OSTM1: variants seen among roughly 807,000 people sequenced by gnomAD.
OSTM1 encodes the protein osteopetrosis-associated transmembrane protein 1.
Under a neutral mutation model 35.4 loss-of-function variants are expected in OSTM1, and 26 were observed. The observed-to-expected ratio is 0.73, with a 90% CI of 0.54 to 1.02. OSTM1 has a LOEUF of 1.02. Ranked by LOEUF, OSTM1 falls within the 50% of genes least tolerant of loss-of-function variation. The pLI, the probability that OSTM1 is intolerant of heterozygous loss-of-function variation, is 0.00. For synonymous variants in OSTM1, 181 were observed against 165.0 expected, an observed-to-expected ratio of 1.10 and a Z score of -0.75; for missense variants, 366 against 409.6, an observed-to-expected ratio of 0.89 and a Z score of 0.92.
intron 5 of OSTM1, among the ~76,000 whole-genome samples, chr6:108,046,915 G>A (rs1182615926): frequency 2.6e-5 from 4 of 152,132 alleles, no homozygotes; most frequent in Non-Finnish European, 5.9e-5. Context: ...ATACGAATGA[G>A]TACATACACC....
At position 108,049,517 on chromosome 6, in the gene OSTM1, A is replaced by G. The variant is rs995240153; in HGVS notation, c.784-99T>C. On this transcript the variant is annotated intron_variant, in intron 4 of 5. Transcript: ENST00000193322. ...ATAACTAAACAGGAATCTAGAATTTAGACTCAATACATACCTCTAAAAACC... is the reference window on the plus strand; with the variant it reads ...ATAACTAAACAGGAATCTAGAATTTGGACTCAATACATACCTCTAAAAACC... 2.5e-6 allele frequency: 4 copies of G among 1,575,604 alleles called. No individual in the cohort carries two copies. In the African/African-American group the frequency reaches 5.5e-5, roughly 22 times the overall value.
rs184481854 is a variant in OSTM1, at chr6:108,059,205, A to G, written c.518-4618T>C. On this transcript the variant is annotated intron_variant, in intron 2 of 5. Coordinates refer to ENST00000193322, the MANE Select transcript of OSTM1 (RefSeq NM_014028.4). ...GATAAGCAAGAAGGGTCTCAATAACAAGGCTATCCCTATGTCAACAATACA... is the reference window on the plus strand; with the variant it reads ...GATAAGCAAGAAGGGTCTCAATAACGAGGCTATCCCTATGTCAACAATACA... Among the ~76,000 whole-genome samples, 6 of 152,362 alleles carry G rather than the reference A, an allele frequency of 3.9e-5. No homozygotes were observed. In the East Asian group the frequency reaches 1.2e-3, roughly 29 times the overall value.
At chr6:108,068,121 AC>A (rs1257234371) in intron 1 of OSTM1, among the ~76,000 whole-genome samples, 6 of 151,844 alleles carry the variant, frequency 4.0e-5, no homozygotes, top group African/African-American at 1.5e-4. Context: ...ACAAATAACC[AC>A]CCCTTCCCTT....
intron 1 of OSTM1, among the ~76,000 whole-genome samples, chr6:108,072,862 A>G (rs185300228): frequency 6.6e-6 from 1 of 152,154 alleles, no homozygotes; most frequent in Non-Finnish European, 1.5e-5. Context: ...GGCTCAAGTG[A>G]TTCTTCTGCC....
rs1326429810 is a variant in OSTM1, at chr6:108,074,570, G to A, written c.82C>T (p.Leu28=). Residue 28 remains leucine, a synonymous_variant, in exon 1 of 6, where the codon CTG becomes TTG. Transcript: ENST00000193322. ...CCGAAGGGGAGCGCGCCCAGGGCCA[G>A]CCCCGACCACAGCAGCAGCCCCAGC... ...LPLGLLLWSG[L]ALGALPFGSS... 1 of 1,563,276 alleles carries A rather than the reference G, an allele frequency of 6.4e-7. No homozygotes were observed. Among genetic ancestry groups the A allele is most frequent in the Non-Finnish European group, 8.6e-7 (1 of 1,157,804 alleles).
chr6:108,042,728 G>C lies in OSTM1; in HGVS notation c.*2057C>G, dbSNP rs1275955868. ...TGTCCAGCTGATGGTACTCATAAAA[G>C]TAGGCATCTAAACTCAATACCTGAA... On this transcript the variant is annotated 3_prime_UTR_variant, in exon 6 of 6. Coordinates refer to ENST00000193322, the MANE Select transcript of OSTM1 (RefSeq NM_014028.4). The C allele has an allele frequency of 6.6e-6, 1 of 152,092 alleles. No homozygotes were observed. Among genetic ancestry groups the C allele is most frequent in the Non-Finnish European group, 1.5e-5 (1 of 68,006 alleles). The allele number at this position is 152,092 out of a possible 1,614,324, so 9.4% of individuals were successfully genotyped here. A position where few individuals can be genotyped will look rare whatever the true frequency, so the allele number is the denominator to read the frequency against.
chr6:108,059,289 T>C (rs976699707), intron 2 of OSTM1, among the ~76,000 whole-genome samples: 1 of 152,238 alleles, frequency 6.6e-6, no homozygotes, highest in Admixed American at 6.5e-5. Context: ...GCAGTCATTC[T>C]CCATCAGAAA....
rs903507554 is a variant in OSTM1 at position 108,062,514 on chromosome 6, T to C, written c.517+1671A>G. Among the ~76,000 whole-genome samples, 12 of 151,490 alleles carry C rather than the reference T, an allele frequency of 7.9e-5. No homozygotes were observed. In the South Asian group the frequency reaches 2.5e-3, roughly 31 times the overall value. The stretch of plus-strand genomic sequence containing the variant: ...ATACTATATAATCATAATAGGAGAA[T>C]ACTATATAAGCTTTTCTTTTCTTTT... On this transcript the variant is annotated intron_variant, in intron 2 of 5. Transcript: ENST00000193322.
At chr6:108,071,261 T>C (rs184049177) in intron 1 of OSTM1, among the ~76,000 whole-genome samples, 6 of 152,014 alleles carry the variant, frequency 3.9e-5, no homozygotes, top group Admixed American at 3.3e-4. Flanking sequence ...ACTAATTCCT[T>C]CAAGTTCACT....
rs545759140 is a variant in OSTM1 at position 108,071,460 on chromosome 6, A to ATTT, written c.402+2787_402+2789dup. Among the ~76,000 whole-genome samples the ATTT allele has an allele frequency of 1.3e-3, 135 of 103,406 alleles. 2 individuals carry two copies. Among genetic ancestry groups the ATTT allele is most frequent in the African/African-American group, 4.4e-3 (108 of 24,272 alleles). The allele number at this position is 103,406 out of a possible 152,430, so 67.8% of individuals were successfully genotyped here. On this transcript the variant is annotated intron_variant, in intron 1 of 5. Transcript: ENST00000193322. ...AGCTGCGCACCACCACACCCGGCTA[A>ATTT]TTTTTTTTTTTTTTTTTTTTTTTTG...
intron 2 of OSTM1, among the ~76,000 whole-genome samples, chr6:108,063,374 C>A (rs1772320660): frequency 6.6e-6 from 1 of 152,128 alleles, no homozygotes; most frequent in Non-Finnish European, 1.5e-5. Flanking sequence ...AAAGGTAGCT[C>A]CTCCAGGAAG....
At chr6:108,053,906 T>C (rs1033584621) in intron 3 of OSTM1, among the ~76,000 whole-genome samples, 4 of 152,250 alleles carry the variant, frequency 2.6e-5, no homozygotes, top group African/African-American at 9.6e-5. Flanking sequence ...CAAAACTACA[T>C]TTTAACCAGA....
intron 1 of OSTM1, among the ~76,000 whole-genome samples, chr6:108,067,031 C>T (rs897884142): frequency 2.6e-5 from 4 of 152,202 alleles, no homozygotes; most frequent in Admixed American, 1.3e-4. Flanking sequence ...CCCAGGAAGT[C>T]AGGAGCTGCT....
chr6:108,044,482 C>G lies in OSTM1; in HGVS notation c.*303G>C, dbSNP rs1771931340. 4.8e-6 allele frequency: 1 copy of G among 209,370 alleles called. No homozygotes were observed. The highest frequency in any genetic ancestry group is 9.5e-6 in the Non-Finnish European group (1 of 105,780). The allele number at this position is 209,370 out of a possible 1,614,324, so 13.0% of individuals were successfully genotyped here. A position where few individuals can be genotyped will look rare whatever the true frequency, so the allele number is the denominator to read the frequency against. ...ATGTTAGTAAGAAGATACCAGAAGT[C>G]TAGAATAGTAATCAAATGCCTATAA... On this transcript the variant is annotated 3_prime_UTR_variant, in exon 6 of 6. Transcript: ENST00000193322.
intron 5 of OSTM1, among the ~76,000 whole-genome samples, chr6:108,048,048 T>G (rs1772010590): frequency 6.6e-6 from 1 of 152,338 alleles, no homozygotes; most frequent in South Asian, 2.1e-4. Context: ...TCAAAAAACC[T>G]TTAATAAATA....
At chr6:108,053,765 C>T (rs910776353) in intron 3 of OSTM1, among the ~76,000 whole-genome samples, 3 of 152,036 alleles carry the variant, frequency 2.0e-5, no homozygotes, top group African/African-American at 4.8e-5. Context: ...TGCACCTGGC[C>T]CAATTTTTAT....
intron 1 of OSTM1, among the ~76,000 whole-genome samples, chr6:108,070,924 C>T (rs1217913878): frequency 6.7e-6 from 1 of 148,702 alleles, no homozygotes; most frequent in African/African-American, 2.5e-5. Flanking sequence ...TGTGGTGGCT[C>T]ACACCTGTAA....
intron 2 of OSTM1, among the ~76,000 whole-genome samples, chr6:108,060,437 G>A (rs1459432342): frequency 1.3e-5 from 2 of 152,182 alleles, no homozygotes; most frequent in Admixed American, 1.3e-4. Flanking sequence ...CACCTTTTAA[G>A]CCAGGCACAG....
At position 108,074,725 on chromosome 6, in the gene OSTM1, T is replaced by C; in HGVS notation, c.-74A>G. On this transcript the variant is annotated 5_prime_UTR_variant, in exon 1 of 6. Coordinates refer to ENST00000193322, the MANE Select transcript of OSTM1 (RefSeq NM_014028.4). The stretch of plus-strand genomic sequence containing the variant: ...AGCCGGCACCGCGGACAGCCGCCGC[T>C]TCCGGTTTCCGCGAGCGCAGGCCGA... 4 of 1,407,798 alleles carry C rather than the reference T, an allele frequency of 2.8e-6. No individual in the cohort carries two copies. The highest frequency in any genetic ancestry group is 3.7e-6 in the Non-Finnish European group (4 of 1,083,442). 87.2% of individuals were successfully genotyped at this position (1,407,798 alleles called of 1,614,324 possible). A position where few individuals can be genotyped will look rare whatever the true frequency, so the allele number is the denominator to read the frequency against.
Sources: allele counts gnomAD v4.1 joint callset (sites outside exome capture counted in the v4.1 genomes callset), GRCh38; gene constraint gnomAD v4.1.1; transcripts MANE v1.5; gene names NCBI Gene and HGNC (gene_info 2026-07-23, HGNC 2026-07-21).